Variants in CMIP observed in about 807,000 individuals in gnomAD.
CMIP encodes the protein c-Maf inducing protein, also known as C-Maf-inducing protein.
CMIP carries 13 observed loss-of-function variants against 97.3 expected under a neutral mutation model. That is an observed-to-expected ratio of 0.13 (90% CI 0.09 to 0.21). The LOEUF (loss-of-function observed/expected upper bound fraction) is 0.21, where lower values mean the gene tolerates loss of function less well. Among genes scored for constraint, CMIP ranks in the 10% least tolerant of loss-of-function variants. The pLI is 1.00. For synonymous variants in CMIP, 538 were observed against 436.3 expected (o/e 1.23, Z -2.91); for missense variants, 847 against 1,024.9 (o/e 0.83, Z 2.37).
rs964408078 is a variant in CMIP at position 81,627,424 on chromosome 16, C to T, written c.477+6498C>T. ...CCTGGTAGGAGCCCACGCGTGGGAG[C>T]CTCTCATGCGCCATCATCAGTGTCT... On this transcript the variant is annotated intron_variant, in intron 3 of 20. Coordinates refer to ENST00000537098, the MANE Select transcript of CMIP (RefSeq NM_198390.3). This position sits in a 1 kb window ranked among gnomAD's most constrained non-coding sequence, Gnocchi z 4.6. 2.0e-5 allele frequency among the ~76,000 whole-genome samples: 3 copies of T among 151,980 alleles called. No individual in the cohort carries two copies. Among genetic ancestry groups the T allele is most frequent in the Non-Finnish European group, 4.4e-5 (3 of 67,962 alleles).
At chr16:81,475,367 T>G (rs1173795569) in intron 1 of CMIP, among the ~76,000 whole-genome samples, 1 of 152,238 alleles carries the variant, frequency 6.6e-6, no homozygotes, top group Non-Finnish European at 1.5e-5. Flanking sequence ...CAATACCTGA[T>G]GTACCGTTCT....
chr16:81,703,979 GA>G lies in CMIP; in HGVS notation c.1988del (p.Asn663ThrfsTer12). The G allele has an allele frequency of 6.3e-7, 1 of 1,599,492 alleles. No homozygotes were observed. On this transcript the variant is annotated frameshift_variant, in exon 18 of 21. Coordinates refer to ENST00000537098, the MANE Select transcript of CMIP (RefSeq NM_198390.3). LOFTEE classifies it high-confidence loss of function. Reference sequence around the variant, plus strand: ...CGTTTGCTGAGCTCCGGCTCCTTCGGAAACCTGGAGAACCTCAGTTTGGCCT... The same window carrying G: ...CGTTTGCTGAGCTCCGGCTCCTTCGGAACCTGGAGAACCTCAGTTTGGCCT... ...LARLLSSGSFGNLENLSLAFT... is the reference protein window; with the variant it reads ...LARLLSSGSFXNLENLSLAFT...
intron 2 of CMIP, chr16:81,610,204 C>A: frequency 2.2e-6 from 1 of 449,508 alleles, no homozygotes; most frequent in Non-Finnish European, 2.9e-6. Flanking sequence ...AGCAGAGAAG[C>A]AGTGCCTGGA....
intron 1 of CMIP, among the ~76,000 whole-genome samples, chr16:81,561,454 A>G (rs2090881963): frequency 6.6e-6 from 1 of 152,180 alleles, no homozygotes. Flanking sequence ...GGAGGTAGGC[A>G]CAGTATGTGC....
At chr16:81,592,477 C>T (rs925956375) in intron 1 of CMIP, among the ~76,000 whole-genome samples, 1 of 152,186 alleles carries the variant, frequency 6.6e-6, no homozygotes, top group African/African-American at 2.4e-5. Flanking sequence ...GGTGCCCCTC[C>T]CTCCTGTCCT....
intron 1 of CMIP, among the ~76,000 whole-genome samples, chr16:81,544,405 T>C (rs1340230056): frequency 6.6e-6 from 1 of 151,788 alleles, no homozygotes; most frequent in African/African-American, 2.4e-5. Flanking sequence ...CTGATAGGAC[T>C]CTGTCTCATC....
At chr16:81,520,240 T>G (rs1449575761) in intron 1 of CMIP, 2 of 152,220 alleles carry the variant, frequency 1.3e-5, no homozygotes, top group African/African-American at 4.8e-5. Context: ...TGCCTGCTGG[T>G]GCACTCAGCC....
chr16:81,553,204 G>T (rs1447513752), intron 1 of CMIP, among the ~76,000 whole-genome samples: 1 of 152,192 alleles, frequency 6.6e-6, no homozygotes, highest in Non-Finnish European at 1.5e-5. Flanking sequence ...CCGTTTCGCA[G>T]ATTGCTCATC....
chr16:81,644,675 C>A (rs998004450), intron 3 of CMIP, among the ~76,000 whole-genome samples: 1 of 152,236 alleles, frequency 6.6e-6, no homozygotes, highest in African/African-American at 2.4e-5. Flanking sequence ...ATTTCCTACA[C>A]ACTTAGCATC....
At chr16:81,687,976 C>T (rs1236897110) in intron 10 of CMIP, among the ~76,000 whole-genome samples, 1 of 152,252 alleles carries the variant, frequency 6.6e-6, no homozygotes, top group Non-Finnish European at 1.5e-5. Context: ...GGGTAGATCC[C>T]ATGAGCGAAC....
At position 81,588,964 on chromosome 16, in the gene CMIP, T is replaced by C. The variant is rs1221792960; in HGVS notation, c.301-18603T>C. Among the ~76,000 whole-genome samples the C allele has an allele frequency of 3.3e-5, 5 of 152,184 alleles. No homozygotes were observed. The South Asian group carries it at 6.2e-4, about 19-fold the overall frequency. Reference sequence around the variant, plus strand: ...GCCTGTAAGAGGCAGAGCTGAGATATAAAGTCAGGTTTTCTGTTCTCAAAG... The same window carrying C: ...GCCTGTAAGAGGCAGAGCTGAGATACAAAGTCAGGTTTTCTGTTCTCAAAG... On this transcript the variant is annotated intron_variant, in intron 1 of 20. Transcript: ENST00000537098.
intron 1 of CMIP, among the ~76,000 whole-genome samples, chr16:81,497,401 G>A (rs1355396956): frequency 6.6e-6 from 1 of 152,190 alleles, no homozygotes; most frequent in Non-Finnish European, 1.5e-5. Flanking sequence ...TTTTCCAAGA[G>A]GCCACTTAGA....
At chr16:81,513,179 G>T (rs1169268244) in intron 1 of CMIP, among the ~76,000 whole-genome samples, 4 of 152,206 alleles carry the variant, frequency 2.6e-5, no homozygotes, top group African/African-American at 9.7e-5. Context: ...CTTCTTGGTA[G>T]GTTGGAAGAT....
chr16:81,481,435 C>T (rs1330954669), intron 1 of CMIP, among the ~76,000 whole-genome samples: 2 of 152,166 alleles, frequency 1.3e-5, no homozygotes. Flanking sequence ...TTGTGAGAAG[C>T]GGAGACTGAA....
intron 2 of CMIP, chr16:81,611,434 CCAAAGAGGGCTAG>C (rs2091830351): frequency 6.6e-6 from 1 of 152,398 alleles, no homozygotes; most frequent in Non-Finnish European, 1.5e-5. Flanking sequence ...ATGGCGGGGC[CCAAAGAGGGCTAG>C]TGCCCCTTCC....
At chr16:81,448,016 C>G (rs1402400713) in intron 1 of CMIP, among the ~76,000 whole-genome samples, 1 of 152,270 alleles carries the variant, frequency 6.6e-6, no homozygotes, top group Non-Finnish European at 1.5e-5. Context: ...CCCAAGCACT[C>G]TATTGAGAAA....
At chr16:81,481,359 C>T (rs990322594) in intron 1 of CMIP, among the ~76,000 whole-genome samples, 1 of 152,190 alleles carries the variant, frequency 6.6e-6, no homozygotes, top group Admixed American at 6.5e-5. Context: ...CCTTGAGCGA[C>T]TGTGTGTAAC....
intron 1 of CMIP, among the ~76,000 whole-genome samples, chr16:81,543,039 C>T (rs1023093624): frequency 1.3e-5 from 2 of 152,176 alleles, no homozygotes; most frequent in South Asian, 2.1e-4. Flanking sequence ...GTCCGTTCCA[C>T]GGGGTGCTGG....
intron 1 of CMIP, among the ~76,000 whole-genome samples, chr16:81,562,222 G>T (rs1351973304): frequency 6.6e-6 from 1 of 152,216 alleles, no homozygotes; most frequent in East Asian, 1.9e-4. Flanking sequence ...AGCCAAACTC[G>T]GATCTCCTGG....
Sources: allele counts gnomAD v4.1 joint callset (sites outside exome capture counted in the v4.1 genomes callset), GRCh38; gene constraint gnomAD v4.1.1; non-coding constraint Gnocchi (gnomAD v3.1); transcripts MANE v1.5; gene names NCBI Gene and HGNC (gene_info 2026-07-23, HGNC 2026-07-21).